Variants in GLB1L3 observed in about 807,000 individuals in gnomAD.
GLB1L3 encodes the protein galactosidase beta 1 like 3, also known as beta-galactosidase-1-like protein 3.
Under a neutral mutation model 89.5 loss-of-function variants are expected in GLB1L3, and 89 were observed. The ratio of observed to expected loss-of-function variants is 0.99; its 90% confidence interval spans 0.84 to 1.19. GLB1L3 has a LOEUF of 1.19. Among genes scored for constraint, GLB1L3 ranks in the 50% most tolerant of loss-of-function variants. The pLI is 0.00. For synonymous variants in GLB1L3, 314 were observed against 312.3 expected, an observed-to-expected ratio of 1.01 and a Z score of -0.06; for missense variants, 812 against 813.3, an observed-to-expected ratio of 1.00 and a Z score of 0.02.
intron 6 of GLB1L3, among the ~76,000 whole-genome samples, chr11:134,287,844 G>T (rs1180663171): frequency 6.6e-6 from 1 of 152,182 alleles, no homozygotes; most frequent in Non-Finnish European, 1.5e-5. Flanking sequence ...AACCTGCAAA[G>T]GAAAAGCTGA....
chr11:134,279,577 G>A (rs1940574408), intron 3 of GLB1L3, among the ~76,000 whole-genome samples: 1 of 151,882 alleles, frequency 6.6e-6, no homozygotes, highest in Admixed American at 6.6e-5. Context: ...TATCGGTCAG[G>A]CTGGTCTCAA....
At chr11:134,307,321 C>T in intron 10 of GLB1L3, 113 bp downstream of exon 10, 2 of 741,394 alleles carry the variant, frequency 2.7e-6, no homozygotes, top group South Asian at 1.9e-5. Context: ...GATATTCATG[C>T]AACTTTTCAC....
At position 134,313,382 on chromosome 11, in the gene GLB1L3, G is replaced by T. The variant is rs771003355; in HGVS notation, c.1501-14G>T. ...ATGGCTGCGTGGTCTCCATGACCTG[G>T]CCTGTCCCAGCAGGACTGCCGATAC... On this transcript the variant is annotated splice_polypyrimidine_tract_variant and intron_variant, in intron 15 of 19. Coordinates refer to ENST00000431683, the MANE Select transcript of GLB1L3 (RefSeq NM_001080407.3). The T allele has an allele frequency of 4.5e-6, 7 of 1,567,512 alleles. No individual in the cohort carries two copies. The East Asian group carries it at 1.7e-4, about 37-fold the overall frequency.
intron 4 of GLB1L3, among the ~76,000 whole-genome samples, 182 bp downstream of exon 4, chr11:134,281,627 G>A (rs934008393): frequency 1.2e-4 from 16 of 131,644 alleles, no homozygotes; most frequent in African/African-American, 4.2e-4. Context: ...TCACCCAGAG[G>A]GACTGGGCCT....
At chr11:134,292,765 G>A in intron 8 of GLB1L3, 1 of 357,356 alleles carries the variant, frequency 2.8e-6, no homozygotes, top group South Asian at 2.9e-5. Context: ...GGGGCGAGCT[G>A]CTGCCGGCGG....
At chr11:134,305,075 T>C (rs970474565) in intron 9 of GLB1L3, 2 of 1,547,160 alleles carry the variant, frequency 1.3e-6, no homozygotes, top group East Asian at 4.9e-5. Flanking sequence ...GATGAATTCT[T>C]ATCTTTACCC....
chr11:134,281,246 T>A (rs945237018), intron 3 of GLB1L3, 131 bp from the exon 4 acceptor site: 5 of 1,032,934 alleles, frequency 4.8e-6, no homozygotes, highest in African/African-American at 4.7e-5. Flanking sequence ...AGAGGTTTAA[T>A]TTCCACTGGT....
At chr11:134,296,295 G>A (rs1941635604) in intron 9 of GLB1L3, among the ~76,000 whole-genome samples, 1 of 140,164 alleles carries the variant, frequency 7.1e-6, no homozygotes, top group Non-Finnish European at 1.5e-5. Context: ...GATTCCTCAG[G>A]GATCTAGAAC....
intron 10 of GLB1L3, among the ~76,000 whole-genome samples, chr11:134,307,621 C>T (rs1331566197): frequency 6.6e-6 from 1 of 152,130 alleles, no homozygotes; most frequent in African/African-American, 2.4e-5. Context: ...GTGCATAGGC[C>T]CTCTCTATGG....
At chr11:134,280,410 A>G (rs1940619642) in intron 3 of GLB1L3, among the ~76,000 whole-genome samples, 1 of 152,126 alleles carries the variant, frequency 6.6e-6, no homozygotes, top group Non-Finnish European at 1.5e-5. Flanking sequence ...GGGAATGTAG[A>G]TGCTCCATCT....
rs74417646 is a variant in GLB1L3 at position 134,306,081 on chromosome 11, A to G, written c.877-1043A>G. ...AGAATTTCCTTTAACTGAAGTATCTATATGTCCAGATGAAAAGTGTACCTC... is the reference window on the plus strand; with the variant it reads ...AGAATTTCCTTTAACTGAAGTATCTGTATGTCCAGATGAAAAGTGTACCTC... On this transcript the variant is annotated intron_variant, in intron 9 of 19. Coordinates refer to ENST00000431683, the MANE Select transcript of GLB1L3 (RefSeq NM_001080407.3). 5.1e-3 allele frequency among the ~76,000 whole-genome samples: 777 copies of G among 152,288 alleles called. 5 individuals are homozygous for G. Among genetic ancestry groups the G allele is most frequent in the African/African-American group, 0.018 (748 of 41,570 alleles).
chr11:134,309,651 C>A lies in GLB1L3; in HGVS notation c.987C>A (p.Phe329Leu). Residue 329 changes from phenylalanine to leucine, a missense_variant, in exon 11 of 20, where the codon TTC (phenylalanine) becomes TTA (leucine). Transcript: ENST00000431683. ...AKEVEHAVSE[F>L]IKYEISFNVY... The stretch of plus-strand genomic sequence containing the variant: ...AGGTTGAACATGCTGTGTCTGAATT[C>A]ATCAAATATGAGATCTCCTTCAATG... 1.2e-6 allele frequency: 2 copies of A among 1,607,824 alleles called. No individual in the cohort carries two copies. Among genetic ancestry groups the A allele is most frequent in the Non-Finnish European group, 1.7e-6 (2 of 1,175,878 alleles).
downstream of GLB1L3, among the ~76,000 whole-genome samples, chr11:134,323,787 C>T (rs1394183821): frequency 6.6e-6 from 1 of 151,070 alleles, no homozygotes; most frequent in Non-Finnish European, 1.5e-5. Flanking sequence ...AATATTAAGC[C>T]TTTTTTTTTC....
the GLB1L3 span, among the ~76,000 whole-genome samples, chr11:134,324,595 T>C: frequency 2.2e-3 from 334 of 152,320 alleles, no homozygotes; most frequent in African/African-American, 7.3e-3. Context: ...CTTTGTACCT[T>C]GTCTGTTCTT....
At chr11:134,308,157 ACAC>A (rs1211294905) in intron 10 of GLB1L3, among the ~76,000 whole-genome samples, 5 of 79,926 alleles carry the variant, frequency 6.3e-5, no homozygotes, top group Admixed American at 4.3e-4. Context: ...ATCATCACCA[ACAC>A]CACCACCAGC....
intron 18 of GLB1L3, among the ~76,000 whole-genome samples, chr11:134,316,573 T>C (rs571157430): frequency 1.3e-5 from 2 of 152,186 alleles, no homozygotes; most frequent in African/African-American, 2.4e-5. Flanking sequence ...AGGTGAGCAC[T>C]TCACCTGTAG....
intron 6 of GLB1L3, 99 bp downstream of exon 6, chr11:134,283,944 A>C: frequency 1.4e-6 from 1 of 711,060 alleles, no homozygotes; most frequent in East Asian, 2.7e-5. Flanking sequence ...GTCTCCATGA[A>C]CAATTGAGTT....
rs778132907 is a variant in GLB1L3 at position 134,312,472 on chromosome 11, G to A, written c.1411G>A (p.Ala471Thr). Residue 471 changes from alanine to threonine, a missense_variant, in exon 14 of 20, where the codon GCT becomes ACT. By Grantham distance (58) the Ala-to-Thr change is moderately conservative. Around this residue, in one of 3 missense-constraint regions of GLB1L3, gnomAD observed 618 missense variants for 604.0 expected, o/e 1.02. Transcript: ENST00000431683. ...ICSGGRLRAH[A>T]HDVAQVFLDE... is the part of the protein sequence containing the mutation. ...CTCCGGAGGCCGCCTCCGTGCCCAC[G>A]CTCATGACGTGGCACAGGTAGGGCC... 18 of 1,612,538 alleles carry A rather than the reference G, an allele frequency of 1.1e-5. No homozygotes were observed. In the East Asian group the frequency reaches 1.8e-4, roughly 16 times the overall value.
chr11:134,296,217 A>G (rs1387983092), intron 9 of GLB1L3, among the ~76,000 whole-genome samples: 1 of 147,418 alleles, frequency 6.8e-6, no homozygotes, highest in Non-Finnish European at 1.5e-5. Context: ...GATGTGGAGA[A>G]ATAGGAACAC....
Sources: allele counts gnomAD v4.1 joint callset (sites outside exome capture counted in the v4.1 genomes callset), GRCh38; gene constraint gnomAD v4.1.1; regional missense constraint gnomAD v4.1.1; transcripts MANE v1.5; gene names NCBI Gene and HGNC (gene_info 2026-07-23, HGNC 2026-07-21).